The following FSTL4 variants were observed in gnomAD, a reference collection of about 807,000 sequenced individuals.
FSTL4 encodes the protein follistatin like 4, also known as follistatin-related protein 4.
A neutral mutation model predicts 78.2 loss-of-function variants in FSTL4; 28 were observed. That is an observed-to-expected ratio of 0.36 (90% CI 0.27 to 0.49). The LOEUF (loss-of-function observed/expected upper bound fraction) is 0.49, where lower values mean the gene tolerates loss of function less well. Among genes scored for constraint, FSTL4 ranks in the 20% least tolerant of loss-of-function variants. FSTL4 has a pLI of 0.98. For missense variants in FSTL4, 922 were observed against 1,084.9 expected, an observed-to-expected ratio of 0.85 and a Z score of 2.11; for synonymous variants, 422 against 440.5, an observed-to-expected ratio of 0.96 and a Z score of 0.53.
chr5:133,517,215 G>A (rs1758871095), intron 3 of FSTL4, among the ~76,000 whole-genome samples: 1 of 151,376 alleles, frequency 6.6e-6, no homozygotes, highest in South Asian at 2.1e-4. Flanking sequence ...CTGAGGTCAG[G>A]AGTTTGAGAC....
intron 6 of FSTL4, among the ~76,000 whole-genome samples, chr5:133,290,588 C>A (rs1753238993): frequency 6.6e-6 from 1 of 152,194 alleles, no homozygotes; most frequent in African/African-American, 2.4e-5. Context: ...CTATCTGAAG[C>A]CCCTGAATTT....
intron 4 of FSTL4, among the ~76,000 whole-genome samples, chr5:133,336,913 C>A (rs961514292): frequency 6.6e-6 from 1 of 152,194 alleles, no homozygotes; most frequent in South Asian, 2.1e-4. Flanking sequence ...GCTGTGTCCA[C>A]CCCTTCCCAG....
chr5:133,592,416 A>G (rs1227363100), intron 2 of FSTL4, among the ~76,000 whole-genome samples: 1 of 152,232 alleles, frequency 6.6e-6, no homozygotes, highest in East Asian at 1.9e-4. Context: ...GAATAAATTC[A>G]GATTTAAATT....
chr5:133,274,404 C>T (rs1480807136), intron 6 of FSTL4, among the ~76,000 whole-genome samples: 1 of 2,668 alleles, frequency 3.7e-4, no homozygotes, highest in South Asian at 0.011. Context: ...TTTAGGAGAA[C>T]AGCAATAAAA....
the FSTL4 span, among the ~76,000 whole-genome samples, chr5:133,833,082 C>G: frequency 1.3e-5 from 2 of 152,178 alleles, no homozygotes; most frequent in African/African-American, 4.8e-5. Context: ...TAAATAAAAT[C>G]AGTGGATGAT....
At chr5:133,656,154 G>A in the FSTL4 span, among the ~76,000 whole-genome samples, 1 of 152,134 alleles carries the variant, frequency 6.6e-6, no homozygotes, top group Admixed American at 6.5e-5. Flanking sequence ...TACATCTCAG[G>A]AGGCCCTGGT....
At chr5:133,707,751 G>A in the FSTL4 span, among the ~76,000 whole-genome samples, 1 of 152,120 alleles carries the variant, frequency 6.6e-6, no homozygotes, top group Non-Finnish European at 1.5e-5. Flanking sequence ...ACCCTGTGGG[G>A]TGAGGGCCAC....
chr5:133,796,388 G>A, the FSTL4 span, among the ~76,000 whole-genome samples: 1 of 152,210 alleles, frequency 6.6e-6, no homozygotes, highest in African/African-American at 2.4e-5. Context: ...CAGAGGGCCA[G>A]TGTGACAGCT....
intron 3 of FSTL4, among the ~76,000 whole-genome samples, chr5:133,565,114 G>A (rs1759999237): frequency 6.6e-6 from 1 of 152,134 alleles, no homozygotes; most frequent in Non-Finnish European, 1.5e-5. Context: ...GACTCTCCTG[G>A]GCCTTGTAAG....
At chr5:133,212,641 CT>C (rs563410421) in intron 13 of FSTL4, among the ~76,000 whole-genome samples, 49 of 149,916 alleles carry the variant, frequency 3.3e-4, no homozygotes, top group African/African-American at 8.8e-4. Flanking sequence ...AAAGTCCTAA[CT>C]TTTTTTTTTA....
chr5:133,390,185 G>T (rs140052356), intron 4 of FSTL4, among the ~76,000 whole-genome samples: 159 of 152,344 alleles, frequency 1.0e-3, no homozygotes, highest in African/African-American at 3.8e-3. Flanking sequence ...GCACAACTGA[G>T]ATCACCCTGC....
intron 3 of FSTL4, among the ~76,000 whole-genome samples, chr5:133,500,886 C>T (rs1758481295): frequency 1.3e-5 from 2 of 151,740 alleles, no homozygotes; most frequent in Admixed American, 6.6e-5. Context: ...AGTGGGAAGC[C>T]ATTCAGTTTT....
At chr5:133,712,800 C>T in the FSTL4 span, among the ~76,000 whole-genome samples, 2 of 152,220 alleles carry the variant, frequency 1.3e-5, no homozygotes, top group East Asian at 3.8e-4. Context: ...CTTTGAAGGC[C>T]TATGCCCACG....
At chr5:133,558,520 CA>C (rs1420955899) in intron 3 of FSTL4, among the ~76,000 whole-genome samples, 1 of 152,192 alleles carries the variant, frequency 6.6e-6, no homozygotes, top group Non-Finnish European at 1.5e-5. Flanking sequence ...GGCTGTGGGT[CA>C]CTGTCTCCAT....
At chr5:133,638,906 T>C in the FSTL4 span, among the ~76,000 whole-genome samples, 3 of 124,160 alleles carry the variant, frequency 2.4e-5, no homozygotes, top group African/African-American at 9.8e-5. Context: ...TATTTCTCTA[T>C]TGACATGTAT....
the FSTL4 span, among the ~76,000 whole-genome samples, chr5:133,667,420 A>G: frequency 2.0e-5 from 3 of 152,208 alleles, no homozygotes; most frequent in African/African-American, 7.2e-5. Context: ...AAACATAAAG[A>G]TGATGTCATT....
At chr5:133,436,759 C>T (rs963821345) in intron 3 of FSTL4, among the ~76,000 whole-genome samples, 3 of 151,924 alleles carry the variant, frequency 2.0e-5, no homozygotes, top group African/African-American at 7.3e-5. Context: ...AAACATTTAT[C>T]AGCACACCAC....
intron 3 of FSTL4, among the ~76,000 whole-genome samples, chr5:133,425,971 G>A (rs1009994992): frequency 6.6e-6 from 1 of 152,168 alleles, no homozygotes; most frequent in Non-Finnish European, 1.5e-5. Flanking sequence ...ATGACGTGGG[G>A]GGCTCTAGTC....
intron 3 of FSTL4, among the ~76,000 whole-genome samples, chr5:133,485,805 G>A (rs1025107054): frequency 2.0e-5 from 3 of 152,184 alleles, no homozygotes; most frequent in African/African-American, 7.2e-5. Flanking sequence ...GGTTTGCCTC[G>A]AGTGCCTGGG....
Sources: gnomAD v4.1 joint callset for allele counts (sites outside exome capture counted in the v4.1 genomes callset) on GRCh38, gnomAD v4.1.1 for gene constraint, MANE v1.5 for transcripts, NCBI Gene and HGNC (gene_info 2026-07-23, HGNC 2026-07-21) for gene names.